Variants in ME3 observed in about 807,000 individuals in gnomAD.
The protein encoded by ME3 is NADP-dependent malic enzyme, mitochondrial.
Under a neutral mutation model 68.9 loss-of-function variants are expected in ME3, and 48 were observed. The observed-to-expected ratio is 0.70, with a 90% CI of 0.55 to 0.89. ME3 has a LOEUF of 0.89. Ranked by LOEUF, ME3 falls within the 40% of genes least tolerant of loss-of-function variation. The pLI, the probability that ME3 is intolerant of heterozygous loss-of-function variation, is 0.00. For missense variants in ME3, 675 were observed against 797.4 expected (o/e 0.85, Z 1.85); for synonymous variants, 320 against 318.8 (o/e 1.00, Z -0.04).
At chr11:86,621,370 AC>A (rs1943338900) in intron 2 of ME3, among the ~76,000 whole-genome samples, 1 of 150,548 alleles carries the variant, frequency 6.6e-6, no homozygotes, top group Admixed American at 6.6e-5. Context: ...TAGTTTTTAA[AC>A]TTTTTTGCTC....
intron 2 of ME3, among the ~76,000 whole-genome samples, chr11:86,657,224 C>T (rs1295165219): frequency 6.6e-6 from 1 of 152,088 alleles, no homozygotes; most frequent in African/African-American, 2.4e-5. Flanking sequence ...AACCCAAATG[C>T]CCATCAATGA....
At chr11:86,472,093 G>T (rs565404605) in intron 7 of ME3, among the ~76,000 whole-genome samples, 1 of 152,264 alleles carries the variant, frequency 6.6e-6, no homozygotes, top group Admixed American at 6.5e-5. Flanking sequence ...GACTGTGGAT[G>T]GGTGCGGATG....
intron 8 of ME3, among the ~76,000 whole-genome samples, chr11:86,451,770 G>A (rs551490699): frequency 4.2e-4 from 64 of 152,324 alleles, no homozygotes; most frequent in African/African-American, 1.5e-3. Flanking sequence ...ATGGATGTTT[G>A]GAATACCTAT....
At chr11:86,506,829 A>G (rs1290696229) in intron 5 of ME3, among the ~76,000 whole-genome samples, 1 of 152,246 alleles carries the variant, frequency 6.6e-6, no homozygotes, top group Non-Finnish European at 1.5e-5. Context: ...CACTCAGATT[A>G]GTCCATCCAG....
chr11:86,663,984 C>A (rs1946440601), intron 2 of ME3, among the ~76,000 whole-genome samples: 1 of 152,234 alleles, frequency 6.6e-6, no homozygotes, highest in Non-Finnish European at 1.5e-5. Context: ...GCTTTTAGAA[C>A]AGGCAGCAGG....
At chr11:86,665,954 A>G (rs934678467) in intron 2 of ME3, among the ~76,000 whole-genome samples, 1 of 152,196 alleles carries the variant, frequency 6.6e-6, no homozygotes, top group Non-Finnish European at 1.5e-5. Context: ...TAGATATGAG[A>G]TGGCAAAGGA....
At chr11:86,610,215 A>G (rs1942460437) in intron 2 of ME3, among the ~76,000 whole-genome samples, 1 of 152,156 alleles carries the variant, frequency 6.6e-6, no homozygotes, top group African/African-American at 2.4e-5. Flanking sequence ...GACCAGAGAG[A>G]TGAATAGAGG....
chr11:86,672,431 G>C (rs1021887190), exon 1 of ME3: 1 of 153,562 alleles, frequency 6.5e-6, no homozygotes, highest in African/African-American at 2.4e-5. Context: ...CCGCGCTGGC[G>C]GCCGCGAGCT....
chr11:86,620,297 G>A (rs1943263218), intron 2 of ME3, among the ~76,000 whole-genome samples: 2 of 152,282 alleles, frequency 1.3e-5, no homozygotes, highest in South Asian at 2.1e-4. Flanking sequence ...GGTGGGTGAA[G>A]TCCTTTGGGC....
At chr11:86,454,731 TC>T (rs1309155151) in intron 8 of ME3, among the ~76,000 whole-genome samples, 11 of 152,252 alleles carry the variant, frequency 7.2e-5, no homozygotes, top group Non-Finnish European at 1.2e-4. Flanking sequence ...TAACCTATGT[TC>T]CATTGAGTTG....
intron 5 of ME3, among the ~76,000 whole-genome samples, chr11:86,501,972 G>T (rs559946410): frequency 6.6e-6 from 1 of 151,896 alleles, no homozygotes; most frequent in South Asian, 2.1e-4. Context: ...TCACTTTCTT[G>T]CCCCCAAATC....
chr11:86,557,523 G>C (rs1482444607), intron 3 of ME3, among the ~76,000 whole-genome samples: 2 of 152,192 alleles, frequency 1.3e-5, no homozygotes, highest in Non-Finnish European at 2.9e-5. Flanking sequence ...CTGGTGAAAT[G>C]ATCTCTGGGC....
intron 2 of ME3, 171 bp downstream of exon 2, chr11:86,671,591 G>C (rs1457823294): frequency 7.0e-6 from 5 of 718,444 alleles, no homozygotes; most frequent in Middle Eastern, 3.4e-4. Context: ...ATAAAAGGGA[G>C]AGGAGGGACA....
exon 7 of ME3, chr11:86,487,373 T>G (rs754604605): frequency 2.5e-6 from 4 of 1,614,168 alleles, no homozygotes; most frequent in Non-Finnish European, 3.4e-6. Flanking sequence ...ATCCAGCAAG[T>G]CATCGTATGC....
intron 2 of ME3, among the ~76,000 whole-genome samples, chr11:86,642,788 T>A (rs1003445002): frequency 2.6e-5 from 4 of 152,202 alleles, no homozygotes; most frequent in Non-Finnish European, 5.9e-5. Flanking sequence ...ATGAATTTCA[T>A]GTTTTGAAAA....
At chr11:86,581,051 C>T (rs564279658) in intron 2 of ME3, among the ~76,000 whole-genome samples, 6 of 152,270 alleles carry the variant, frequency 3.9e-5, no homozygotes, top group African/African-American at 1.2e-4. Context: ...GAAATATTCT[C>T]CCCAGGGGAA....
At chr11:86,472,627 A>G (rs1950846513) in intron 7 of ME3, among the ~76,000 whole-genome samples, 1 of 152,184 alleles carries the variant, frequency 6.6e-6, no homozygotes, top group Non-Finnish European at 1.5e-5. Context: ...TAAACGCATG[A>G]CCTCAGGAAA....
At chr11:86,626,600 C>T (rs1199027298) in intron 2 of ME3, among the ~76,000 whole-genome samples, 1 of 152,140 alleles carries the variant, frequency 6.6e-6, no homozygotes, top group African/African-American at 2.4e-5. Flanking sequence ...GAGTTGCTAC[C>T]CCTGTGATAC....
Position 86,475,335 on chromosome 11 carries a change from G to A in ME3, c.810-10135C>T, listed in dbSNP as rs552232582. Among the ~76,000 whole-genome samples, 12 of 152,216 alleles carry A rather than the reference G, an allele frequency of 7.9e-5. No individual in the cohort carries two copies. In the South Asian group the frequency reaches 1.7e-3, roughly 21 times the overall value. ...TTCACCATGTGATATACCTTCTCCC[G>A]CTTTGCCTTCTGCCATGATTGTAAG... On this transcript the variant is annotated intron_variant, in intron 7 of 14. Coordinates refer to ENST00000543262, the Ensembl canonical transcript of ME3.
Sources: gnomAD v4.1 joint callset for allele counts (sites outside exome capture counted in the v4.1 genomes callset) on GRCh38, gnomAD v4.1.1 for gene constraint, MANE v1.5 for transcripts, NCBI Gene and HGNC (gene_info 2026-07-23, HGNC 2026-07-21) for gene names.